ZNF804A: variants seen among roughly 807,000 people sequenced by gnomAD.
ZNF804A encodes zinc finger protein 804A.
ZNF804A carries 2 observed loss-of-function variants against 16.5 expected under a neutral mutation model. The observed-to-expected ratio is 0.12, with a 90% confidence interval of 0.05 to 0.38. The LOEUF is 0.38. Ranked by LOEUF, ZNF804A falls within the 10% of genes least tolerant of loss-of-function variation. The pLI is 0.99. For synonymous variants in ZNF804A, 534 were observed against 489.6 expected (o/e 1.09, Z -1.20); for missense variants, 1,473 against 1,390.7 (o/e 1.06, Z -0.94).
At chr2:184,723,352 A>C (rs1311347549) in intron 1 of ZNF804A, among the ~76,000 whole-genome samples, 1 of 151,848 alleles carries the variant, frequency 6.6e-6, no homozygotes, top group African/African-American at 2.4e-5. Context: ...AGTTGGAAGA[A>C]ATGGTCATTT....
At chr2:184,730,515 A>C (rs979368669) in intron 1 of ZNF804A, among the ~76,000 whole-genome samples, 4 of 152,146 alleles carry the variant, frequency 2.6e-5, no homozygotes, top group African/African-American at 9.7e-5. Flanking sequence ...CCTAAAAAAT[A>C]TTTTGTGCTG....
chr2:184,861,896 G>T (rs1161217761), intron 1 of ZNF804A, among the ~76,000 whole-genome samples: 1 of 152,078 alleles, frequency 6.6e-6, no homozygotes, highest in Admixed American at 6.6e-5. Context: ...TAAGATTTGT[G>T]ATTTTATAAC....
At chr2:184,768,268 A>G (rs952605249) in intron 1 of ZNF804A, among the ~76,000 whole-genome samples, 16 of 152,060 alleles carry the variant, frequency 1.1e-4, no homozygotes, top group African/African-American at 3.6e-4. Flanking sequence ...GCCATTTTAT[A>G]TAAGGGACTT....
chr2:184,754,313 C>G lies in ZNF804A; in HGVS notation c.112-112056C>G, dbSNP rs551306364. 4.6e-5 allele frequency among the ~76,000 whole-genome samples: 7 copies of G among 151,942 alleles called. No individual in the cohort carries two copies. The South Asian group carries it at 1.5e-3, about 32-fold the overall frequency. On this transcript the variant is annotated intron_variant, in intron 1 of 3. Coordinates refer to ENST00000302277, the MANE Select transcript of ZNF804A (RefSeq NM_194250.2). The stretch of plus-strand genomic sequence containing the variant: ...ATTGTATTCCCTTATAGACCTATAC[C>G]AATATGTGAAAACATTTGGGGTTGA...
intron 2 of ZNF804A, among the ~76,000 whole-genome samples, chr2:184,917,250 T>C (rs1483626290): frequency 6.6e-6 from 1 of 152,106 alleles, no homozygotes; most frequent in Non-Finnish European, 1.5e-5. Context: ...AAGGTCACAC[T>C]CTGTCTAACA....
intron 2 of ZNF804A, among the ~76,000 whole-genome samples, chr2:184,902,731 T>C (rs1685206916): frequency 1.3e-5 from 2 of 152,134 alleles, no homozygotes; most frequent in African/African-American, 4.8e-5. Context: ...TTTTACCTTA[T>C]AAAAACCATA....
chr2:184,923,830 C>T (rs1685569351), intron 2 of ZNF804A, among the ~76,000 whole-genome samples: 1 of 151,912 alleles, frequency 6.6e-6, no homozygotes, highest in Non-Finnish European at 1.5e-5. Flanking sequence ...GTTCTTCATC[C>T]TGTTGATATG....
chr2:184,694,476 T>C (rs1179228748), intron 1 of ZNF804A, among the ~76,000 whole-genome samples: 3 of 152,166 alleles, frequency 2.0e-5, no homozygotes, highest in Non-Finnish European at 2.9e-5. Context: ...AACATACAGA[T>C]AGATACATAT....
chr2:184,631,953 G>A (rs1452117336), intron 1 of ZNF804A, among the ~76,000 whole-genome samples: 1 of 152,168 alleles, frequency 6.6e-6, no homozygotes, highest in African/African-American at 2.4e-5. Context: ...AGGGAGCAAA[G>A]TGTATAAAGA....
chr2:184,886,582 C>T (rs139794794), intron 2 of ZNF804A, among the ~76,000 whole-genome samples: 7,674 of 152,330 alleles, frequency 0.05, 255 homozygotes, highest in Middle Eastern at 0.078. Flanking sequence ...CAAACTTTTG[C>T]CTGGGCATCC....
chr2:184,701,092 A>G, intron 1 of ZNF804A, among the ~76,000 whole-genome samples: 1 of 152,114 alleles, frequency 6.6e-6, no homozygotes. Context: ...AAATTATTAT[A>G]TATCAACTTA....
chr2:184,803,182 C>T lies in ZNF804A; in HGVS notation c.112-63187C>T, dbSNP rs72903774. Among the ~76,000 whole-genome samples the T allele has an allele frequency of 6.4e-3, 969 of 152,244 alleles. 7 individuals carry two copies. Among genetic ancestry groups the T allele is most frequent in the Non-Finnish European group, 0.011 (731 of 68,008 alleles). On this transcript the variant is annotated intron_variant, in intron 1 of 3. Transcript: ENST00000302277. ...TTTCTTGAGCATATCAGGTACTTCTCCTTCAGCCTTTGCAGTGTCTGTTTC... is the reference window on the plus strand; with the variant it reads ...TTTCTTGAGCATATCAGGTACTTCTTCTTCAGCCTTTGCAGTGTCTGTTTC...
intron 2 of ZNF804A, among the ~76,000 whole-genome samples, chr2:184,910,889 G>A (rs775362440): frequency 4.6e-5 from 7 of 152,012 alleles, no homozygotes; most frequent in Non-Finnish European, 1.0e-4. Flanking sequence ...TTTATCAGAT[G>A]TATAATTTGT....
At chr2:184,891,416 G>A (rs1039627683) in intron 2 of ZNF804A, among the ~76,000 whole-genome samples, 4 of 152,098 alleles carry the variant, frequency 2.6e-5, no homozygotes, top group Non-Finnish European at 5.9e-5. Flanking sequence ...GTGCTCTACA[G>A]AAGTCTTCTA....
chr2:184,934,028 A>G (rs1685745958), intron 3 of ZNF804A, among the ~76,000 whole-genome samples: 1 of 152,160 alleles, frequency 6.6e-6, no homozygotes, highest in Non-Finnish European at 1.5e-5. Context: ...TCTTGGTGAT[A>G]CTCAAACATT....
Position 184,917,855 on chromosome 2 carries a change from A to G in ZNF804A, c.256-15748A>G, listed in dbSNP as rs577509340. 5.9e-5 allele frequency among the ~76,000 whole-genome samples: 9 copies of G among 152,068 alleles called. No individual in the cohort carries two copies. The East Asian group carries it at 1.7e-3, about 29-fold the overall frequency. On this transcript the variant is annotated intron_variant, in intron 2 of 3. Coordinates refer to ENST00000302277, the MANE Select transcript of ZNF804A (RefSeq NM_194250.2). ...TATATAAAATAAGGAAAATATTCTC[A>G]TGTCAATTGAAGTCCTCATTTCTGT...
chr2:184,854,617 A>G (rs1695659568), intron 1 of ZNF804A, among the ~76,000 whole-genome samples: 1 of 152,080 alleles, frequency 6.6e-6, no homozygotes, highest in African/African-American at 2.4e-5. Context: ...AAACTGAACA[A>G]TAATGTGTGT....
At chr2:184,870,413 T>C (rs1443146566) in intron 2 of ZNF804A, among the ~76,000 whole-genome samples, 1 of 152,044 alleles carries the variant, frequency 6.6e-6, no homozygotes, top group Non-Finnish European at 1.5e-5. Flanking sequence ...GATATTCAAC[T>C]TAGTTTATAA....
intron 1 of ZNF804A, among the ~76,000 whole-genome samples, chr2:184,833,232 T>A (rs1056409319): frequency 6.6e-6 from 1 of 152,158 alleles, no homozygotes; most frequent in East Asian, 1.9e-4. Context: ...CTGTGTTACA[T>A]GTTAGTCATT....
Sources: gnomAD v4.1 joint callset for allele counts (sites outside exome capture counted in the v4.1 genomes callset) on GRCh38, gnomAD v4.1.1 for gene constraint, MANE v1.5 for transcripts, NCBI Gene and HGNC (gene_info 2026-07-23, HGNC 2026-07-21) for gene names.